Variants in TCF12 observed in about 807,000 individuals in gnomAD.
The protein encoded by TCF12 is DNA-binding protein HTF4.
Under a neutral mutation model 86.0 loss-of-function variants are expected in TCF12, and 45 were observed. The ratio of observed to expected loss-of-function variants is 0.52; its 90% CI spans 0.41 to 0.67. The LOEUF (loss-of-function observed/expected upper bound fraction) is 0.67, where lower values mean the gene tolerates loss of function less well. Among genes scored for constraint, TCF12 ranks in the 30% least tolerant of loss-of-function variants. The pLI is 0.00. For missense variants in TCF12, 881 were observed against 859.9 expected (o/e 1.02, Z -0.31); for synonymous variants, 330 against 299.6 (o/e 1.10, Z -1.05).
chr15:57,288,881 C>A lies in TCF12; in HGVS notation c.*2736C>A, dbSNP rs1197090831. 6.6e-6 allele frequency: 1 copy of A among 152,166 alleles called. No homozygotes were observed. The highest frequency in any genetic ancestry group is 1.5e-5 in the Non-Finnish European group (1 of 68,026). 9.4% of individuals were successfully genotyped at this position (152,166 alleles called of 1,614,324 possible). A position where few individuals can be genotyped will look rare whatever the true frequency, so the allele number is the denominator to read the frequency against. On this transcript the variant is annotated 3_prime_UTR_variant, in exon 21 of 21. Transcript: ENST00000333725. ...GCTTTTTAAGTTATTCTTCAAAGCA[C>A]TTTTCACATTTCCCCATACCCTTTC...
chr15:57,202,287 A>G (rs1219820877), intron 8 of TCF12, among the ~76,000 whole-genome samples: 1 of 152,196 alleles, frequency 6.6e-6, no homozygotes, highest in African/African-American at 2.4e-5. Flanking sequence ...TGCTTAGTAT[A>G]TTAAATTAAA....
chr15:56,954,362 G>T (rs1219242686), intron 3 of TCF12, among the ~76,000 whole-genome samples: 1 of 152,160 alleles, frequency 6.6e-6, no homozygotes, highest in African/African-American at 2.4e-5. Flanking sequence ...AAACTGGCTA[G>T]CCATATGTAG....
intron 3 of TCF12, among the ~76,000 whole-genome samples, chr15:56,957,246 C>T (rs1230847786): frequency 6.6e-6 from 1 of 152,178 alleles, no homozygotes; most frequent in Non-Finnish European, 1.5e-5. Flanking sequence ...CAGCACAAAA[C>T]AGACTAAAAC....
intron 3 of TCF12, among the ~76,000 whole-genome samples, chr15:56,999,946 C>T (rs2063926622): frequency 6.6e-6 from 1 of 152,026 alleles, no homozygotes; most frequent in African/African-American, 2.4e-5. Context: ...AGTGATCCAC[C>T]CACCTCAGCC....
intron 5 of TCF12, among the ~76,000 whole-genome samples, chr15:57,125,135 A>G (rs2126398): frequency 0.04 from 6,129 of 152,296 alleles, 372 homozygotes; most frequent in Admixed American, 0.17. Context: ...CAGATAGCCA[A>G]GCTTTCATGC....
At chr15:57,068,895 G>T (rs1269848178) in intron 4 of TCF12, among the ~76,000 whole-genome samples, 2 of 152,092 alleles carry the variant, frequency 1.3e-5, no homozygotes, top group South Asian at 2.1e-4. Context: ...TAATAGGTAT[G>T]AAGTATTTCA....
chr15:57,236,803 C>T (rs1487169802), intron 12 of TCF12, among the ~76,000 whole-genome samples: 1 of 151,298 alleles, frequency 6.6e-6, no homozygotes, highest in African/African-American at 2.4e-5. Flanking sequence ...ACACAAAGTT[C>T]CCAAAGCCCT....
intron 7 of TCF12, among the ~76,000 whole-genome samples, chr15:57,192,826 G>A (rs1287777739): frequency 1.3e-5 from 2 of 152,188 alleles, no homozygotes; most frequent in African/African-American, 4.8e-5. Flanking sequence ...TAAATACATT[G>A]TAAGTTTTTA....
chr15:56,965,911 T>C (rs146517162), intron 3 of TCF12, among the ~76,000 whole-genome samples: 271 of 152,326 alleles, frequency 1.8e-3, no homozygotes, highest in Non-Finnish European at 3.3e-3. Flanking sequence ...AGAAGTAATA[T>C]TTTATATTAG....
At chr15:57,037,900 A>G (rs1488104561) in intron 3 of TCF12, among the ~76,000 whole-genome samples, 1 of 152,234 alleles carries the variant, frequency 6.6e-6, no homozygotes, top group Non-Finnish European at 1.5e-5. Flanking sequence ...GAACCAAATC[A>G]TAGGATATTA....
intron 4 of TCF12, among the ~76,000 whole-genome samples, chr15:57,066,281 A>G (rs1418608578): frequency 6.6e-6 from 1 of 152,182 alleles, no homozygotes; most frequent in Non-Finnish European, 1.5e-5. Context: ...AAGAATCTCA[A>G]CTAAAGTACT....
intron 5 of TCF12, among the ~76,000 whole-genome samples, chr15:57,098,344 T>G (rs2049485864): frequency 6.6e-6 from 1 of 152,216 alleles, no homozygotes; most frequent in Admixed American, 6.5e-5. Context: ...TTTTCTACAT[T>G]ATAGCTCTGC....
chr15:56,966,431 A>G (rs2062007669), intron 3 of TCF12, among the ~76,000 whole-genome samples: 1 of 152,208 alleles, frequency 6.6e-6, no homozygotes, highest in Non-Finnish European at 1.5e-5. Context: ...TGGACCCCCT[A>G]AGATTAATAA....
At chr15:57,244,871 A>AT (rs1160421945) in intron 13 of TCF12, among the ~76,000 whole-genome samples, 16 of 151,864 alleles carry the variant, frequency 1.1e-4, no homozygotes, top group Admixed American at 2.6e-4. Context: ...TGTAAACGGG[A>AT]TTTTTTTTAT....
intron 4 of TCF12, among the ~76,000 whole-genome samples, chr15:57,090,790 AC>A (rs1199448197): frequency 6.6e-6 from 1 of 152,108 alleles, no homozygotes; most frequent in African/African-American, 2.4e-5. Flanking sequence ...TCCGGTCTTT[AC>A]CATGTTGGTT....
chr15:57,181,883 C>A (rs1200693836), intron 6 of TCF12, among the ~76,000 whole-genome samples: 2 of 151,968 alleles, frequency 1.3e-5, no homozygotes, highest in African/African-American at 4.8e-5. Context: ...ATTAATTATT[C>A]TCTAGTATTA....
chr15:57,051,924 A>G (rs1226944885), intron 3 of TCF12, among the ~76,000 whole-genome samples: 1 of 152,208 alleles, frequency 6.6e-6, no homozygotes. Flanking sequence ...ATTCCTTGTC[A>G]AAGAGCAGTT....
chr15:57,156,283 A>G (rs1449614275), intron 5 of TCF12, among the ~76,000 whole-genome samples: 1 of 152,220 alleles, frequency 6.6e-6, no homozygotes, highest in Admixed American at 6.5e-5. Flanking sequence ...TATCAATTTC[A>G]TGGGACATTA....
chr15:57,015,503 A>G (rs551236845), intron 3 of TCF12, among the ~76,000 whole-genome samples: 1 of 152,296 alleles, frequency 6.6e-6, no homozygotes, highest in Non-Finnish European at 1.5e-5. Flanking sequence ...TATTCCATAA[A>G]GTGGCTGAAT....
Sources: gnomAD v4.1 joint callset for allele counts (sites outside exome capture counted in the v4.1 genomes callset) on GRCh38, gnomAD v4.1.1 for gene constraint, MANE v1.5 for transcripts, NCBI Gene and HGNC (gene_info 2026-07-23, HGNC 2026-07-21) for gene names.